GSAP: variants seen among roughly 807,000 people sequenced by gnomAD.
GSAP encodes gamma-secretase activating protein, also known as gamma-secretase-activating protein.
In GSAP, 118 loss-of-function variants were observed where a neutral mutation model predicts 131.7. That is an observed-to-expected ratio of 0.90 (90% CI 0.77 to 1.04). The LOEUF (loss-of-function observed/expected upper bound fraction) is 1.04, where lower values mean the gene tolerates loss of function less well. GSAP is among the 50% of genes least tolerant of loss of function. The probability of loss-of-function intolerance (pLI) is 0.00; values close to 1 mark genes in which losing one functional copy is unlikely to be tolerated. For synonymous variants in GSAP, 381 were observed against 363.4 expected, an observed-to-expected ratio of 1.05 and a Z score of -0.55; for missense variants, 1,019 against 1,013.2, an observed-to-expected ratio of 1.01 and a Z score of -0.08.
rs1281333751 is a variant in GSAP at position 77,310,793 on chromosome 7, T to C, written c.*565A>G. ...TAATGACTGACAAAATATTCCTAAA[T>C]CAACCTTTTATAAATAAAAAAAAAT... On this transcript the variant is annotated 3_prime_UTR_variant, in exon 31 of 31. Transcript: ENST00000257626. The C allele has an allele frequency of 6.6e-6, 1 of 151,794 alleles. No homozygotes were observed. The highest frequency in any genetic ancestry group is 1.5e-5 in the Non-Finnish European group (1 of 67,928). The allele number at this position is 151,794 out of a possible 1,614,324, so 9.4% of individuals were successfully genotyped here.
At chr7:77,338,782 T>C (rs781516897) in intron 19 of GSAP, among the ~76,000 whole-genome samples, 39 of 152,198 alleles carry the variant, frequency 2.6e-4, no homozygotes, top group South Asian at 2.1e-4. Flanking sequence ...AACATATGAA[T>C]CCTGAAGGGA....
At chr7:77,370,162 A>G (rs1189810220) in intron 12 of GSAP, among the ~76,000 whole-genome samples, 1 of 152,202 alleles carries the variant, frequency 6.6e-6, no homozygotes, top group Non-Finnish European at 1.5e-5. Context: ...ATAGATTTAA[A>G]GCAAAGTACC....
intron 8 of GSAP, among the ~76,000 whole-genome samples, chr7:77,379,243 C>A (rs1797433847): frequency 6.6e-6 from 1 of 152,000 alleles, no homozygotes; most frequent in Non-Finnish European, 1.5e-5. Flanking sequence ...TTGTTCCTCT[C>A]TAGATCGAGT....
intron 8 of GSAP, chr7:77,380,165 G>T (rs921724748): frequency 6.6e-6 from 1 of 152,630 alleles, no homozygotes; most frequent in South Asian, 2.1e-4. Context: ...ATGCTGAAAT[G>T]CATTAATATT....
At position 77,316,897 on chromosome 7, in the gene GSAP, C is replaced by A. The variant is rs1382762099; in HGVS notation, c.2090-2408G>T. 3.3e-5 allele frequency among the ~76,000 whole-genome samples: 5 copies of A among 152,150 alleles called. No individual in the cohort carries two copies. In the East Asian group the frequency reaches 5.8e-4, roughly 18 times the overall value. On this transcript the variant is annotated intron_variant, in intron 26 of 30. Transcript: ENST00000257626. ...GCAATACAGTTCCTTTTTTTAAAAG[C>A]AAATGCCCTAGCTCTAAACCCTGAC...
intron 4 of GSAP, 99 bp from the exon 5 acceptor site, chr7:77,397,134 T>C: frequency 2.5e-6 from 2 of 792,554 alleles, no homozygotes; most frequent in Non-Finnish European, 4.2e-6. Flanking sequence ...GCTCAAAGGA[T>C]ATGTCAACGG....
chr7:77,311,484 G>A (rs993629173), intron 30 of GSAP, 35 bp from the exon 31 acceptor site: 2 of 1,036,610 alleles, frequency 1.9e-6, no homozygotes, highest in African/African-American at 3.1e-5. Flanking sequence ...GGGAAAAAGG[G>A]TTACCATGGG....
At chr7:77,329,629 G>T in intron 20 of GSAP, 1 of 277,352 alleles carries the variant, frequency 3.6e-6, no homozygotes, top group Non-Finnish European at 6.7e-6. Context: ...TAATCTACAT[G>T]CAGCGATACT....
At chr7:77,315,822 A>C (rs540940488) in intron 26 of GSAP, 1 of 152,372 alleles carries the variant, frequency 6.6e-6, no homozygotes, top group Non-Finnish European at 1.5e-5. Flanking sequence ...GGAAAAGCTA[A>C]TTTATTCAGC....
intron 6 of GSAP, among the ~76,000 whole-genome samples, chr7:77,383,520 T>C (rs28661506): frequency 6.6e-6 from 1 of 152,004 alleles, no homozygotes; most frequent in African/African-American, 2.4e-5. Context: ...AATTTACAAG[T>C]CTGAAAGCAC....
intron 19 of GSAP, among the ~76,000 whole-genome samples, chr7:77,337,301 T>TGGGGGGGGGGGGGGGGGGG (rs34134192): frequency 9.1e-5 from 6 of 65,708 alleles, no homozygotes; most frequent in South Asian, 1.5e-3. Flanking sequence ...GGGGGTGGGG[T>TGGGGGGGGGGGGGGGGGGG]GGGGGGGGGG....
intron 5 of GSAP, 89 bp from the exon 6 acceptor site, chr7:77,387,537 A>T: frequency 1.3e-6 from 1 of 743,902 alleles, no homozygotes; most frequent in Non-Finnish European, 2.4e-6. Context: ...ATTTCCGGTA[A>T]ATCCTACTAC....
chr7:77,409,450 T>C (rs1243683873), intron 1 of GSAP, among the ~76,000 whole-genome samples: 2 of 152,142 alleles, frequency 1.3e-5, no homozygotes, highest in African/African-American at 2.4e-5. Context: ...TTGACCAATA[T>C]ACAGTGAAAA....
intron 26 of GSAP, chr7:77,315,856 A>T (rs1388787280): frequency 6.6e-6 from 1 of 152,222 alleles, no homozygotes; most frequent in Non-Finnish European, 1.5e-5. Flanking sequence ...ACACCTGGCA[A>T]GGGGCTAAGA....
At chr7:77,362,533 A>G (rs1372987967) in intron 13 of GSAP, 50 bp downstream of exon 13, 4 of 987,720 alleles carry the variant, frequency 4.0e-6, no homozygotes, top group Non-Finnish European at 6.5e-6. Context: ...ATTTGCTACT[A>G]TTTGGAAAAA....
intron 17 of GSAP, 48 bp downstream of exon 17, chr7:77,353,524 C>A: frequency 7.8e-7 from 1 of 1,277,376 alleles, no homozygotes; most frequent in Non-Finnish European, 1.1e-6. Flanking sequence ...TTCCCTCAAG[C>A]AAAAAGGTCA....
chr7:77,333,304 T>G (rs1488132494), intron 19 of GSAP, among the ~76,000 whole-genome samples: 1 of 152,044 alleles, frequency 6.6e-6, no homozygotes. Flanking sequence ...ACTCTTTGGG[T>G]GTGAGCAAAG....
In GSAP at chr7:77,355,407, G is replaced by C; in HGVS notation, c.1144C>G (p.Leu382Val). The change falls in exon 16 of 31, where the codon CTA (leucine) becomes GTA (valine). Residue 382 changes from leucine (L) to valine (V), a missense_variant. Leu to Val is a conservative substitution (Grantham distance 32). Transcript: ENST00000257626. ...LTGNNEMIDM[L>V]PHCPLQSLSG... Reference sequence around the variant, plus strand: ...AATGACTGTAAAGGGCAATGAGGTAGCATATCAATCATTTCATTATTTCCT... The same window carrying C: ...AATGACTGTAAAGGGCAATGAGGTACCATATCAATCATTTCATTATTTCCT... The C allele has an allele frequency of 6.3e-7, 1 of 1,598,304 alleles. No individual in the cohort carries two copies. Among genetic ancestry groups the C allele is most frequent in the East Asian group, 2.2e-5 (1 of 44,680 alleles).
intron 24 of GSAP, among the ~76,000 whole-genome samples, chr7:77,322,677 T>C (rs1301625722): frequency 6.6e-6 from 1 of 151,584 alleles, no homozygotes; most frequent in Non-Finnish European, 1.5e-5. Context: ...ACAGTGCTAT[T>C]GAGAAGGAGA....
Sources: gnomAD v4.1 joint callset for allele counts (sites outside exome capture counted in the v4.1 genomes callset) on GRCh38, gnomAD v4.1.1 for gene constraint, MANE v1.5 for transcripts, NCBI Gene and HGNC (gene_info 2026-07-23, HGNC 2026-07-21) for gene names.